Variants in HERC3 observed in about 807,000 individuals in gnomAD.
HERC3 encodes probable E3 ubiquitin-protein ligase HERC3.
A neutral mutation model predicts 129.9 loss-of-function variants in HERC3; 58 were observed. The ratio of observed to expected loss-of-function variants is 0.45; its 90% CI spans 0.36 to 0.56. The LOEUF (loss-of-function observed/expected upper bound fraction) is 0.56. Among genes scored for constraint, HERC3 ranks in the 20% least tolerant of loss-of-function variants. HERC3 has a pLI of 0.00. For synonymous variants in HERC3, 430 were observed against 451.0 expected (o/e 0.95, Z 0.59); for missense variants, 835 against 1,244.2 (o/e 0.67, Z 4.95).
At chr4:88,659,594 A>T (rs1560731130) in intron 10 of HERC3, among the ~76,000 whole-genome samples, 1 of 152,192 alleles carries the variant, frequency 6.6e-6, no homozygotes, top group Non-Finnish European at 1.5e-5. Context: ...TTTTAGACCC[A>T]GCCTCAGAGT....
the HERC3 span, among the ~76,000 whole-genome samples, chr4:88,559,432 A>T: frequency 7.9e-5 from 12 of 152,006 alleles, no homozygotes; most frequent in Non-Finnish European, 1.5e-4. Flanking sequence ...ACATCTCCCC[A>T]TTTCCTCCAC....
At chr4:88,689,646 C>T (rs1439028980) in intron 23 of HERC3, among the ~76,000 whole-genome samples, 1 of 150,648 alleles carries the variant, frequency 6.6e-6, no homozygotes, top group Non-Finnish European at 1.5e-5. Flanking sequence ...GGTGCAATCT[C>T]GGCTCACTGC....
chr4:88,648,270 G>A (rs1728909790), intron 3 of HERC3, among the ~76,000 whole-genome samples: 1 of 152,106 alleles, frequency 6.6e-6, no homozygotes, highest in Non-Finnish European at 1.5e-5. Flanking sequence ...TAGCTGTCTG[G>A]AAAGGTTCTT....
intron 12 of HERC3, 121 bp from the exon 13 acceptor site, chr4:88,667,256 T>TTATC (rs1731146636): frequency 2.1e-6 from 1 of 485,438 alleles, no homozygotes; most frequent in African/African-American, 2.0e-5. Flanking sequence ...TTTGTGGATC[T>TTATC]TATCTGCCAG....
At chr4:88,529,463 A>C in the HERC3 span, among the ~76,000 whole-genome samples, 2 of 152,290 alleles carry the variant, frequency 1.3e-5, no homozygotes, top group African/African-American at 4.8e-5. Context: ...TCTCTAAAAA[A>C]TAAAAAAACA....
At chr4:88,588,691 C>T (rs188864699), upstream of HERC3, among the ~76,000 whole-genome samples, 96 of 152,146 alleles carry the variant, frequency 6.3e-4, no homozygotes, top group African/African-American at 2.2e-3. Context: ...GTCTGCAAGG[C>T]AAGTAAATTA....
the HERC3 span, among the ~76,000 whole-genome samples, chr4:88,584,219 T>C: frequency 6.6e-6 from 1 of 152,204 alleles, no homozygotes; most frequent in Non-Finnish European, 1.5e-5. Context: ...GGCTTATAGA[T>C]GCATTACTCA....
At chr4:88,695,470 T>C (rs949888346) in intron 23 of HERC3, among the ~76,000 whole-genome samples, 23 of 152,222 alleles carry the variant, frequency 1.5e-4, no homozygotes, top group African/African-American at 5.3e-4. Flanking sequence ...TTCTGGGAGA[T>C]GATAAAAACC....
chr4:88,663,047 T>A (rs1201717318), intron 11 of HERC3, among the ~76,000 whole-genome samples: 1 of 152,058 alleles, frequency 6.6e-6, no homozygotes, highest in Non-Finnish European at 1.5e-5. Flanking sequence ...TTTTATCAAA[T>A]TTAAAGGACA....
chr4:88,546,059 T>TA, the HERC3 span, among the ~76,000 whole-genome samples: 2 of 152,210 alleles, frequency 1.3e-5, no homozygotes, highest in Non-Finnish European at 2.9e-5. Context: ...CTTAGTGGCT[T>TA]AAAAGAACAA....
At chr4:88,596,923 G>T (rs903291935) in intron 2 of HERC3, among the ~76,000 whole-genome samples, 1 of 152,106 alleles carries the variant, frequency 6.6e-6, no homozygotes, top group Admixed American at 6.5e-5. Flanking sequence ...TTTGAATTTT[G>T]TAAAAATGCA....
chr4:88,662,963 A>G lies in HERC3; in HGVS notation c.1271+408A>G, dbSNP rs2149290054. 1.3e-5 allele frequency among the ~76,000 whole-genome samples: 2 copies of G among 151,238 alleles called. 1 individual carries two copies. The highest frequency in any genetic ancestry group is 4.2e-4 in the South Asian group (2 of 4,738). On this transcript the variant is annotated intron_variant, in intron 11 of 25. Transcript: ENST00000402738. ...TCTTAATAATTTCTAGCATTTTCCT[A>G]TTCATAATGATTGAGATGGTAATTC...
rs969911668 is a variant in HERC3, at chr4:88,669,964, C to A, written c.1738C>A (p.Pro580Thr). The change falls in exon 15 of 26, where the codon CCC becomes ACC. Residue 580 changes from proline to threonine, a missense_variant. By Grantham distance (38) the Pro-to-Thr change is conservative. Transcript: ENST00000402738. ...LLRGRKTFLI[P>T]VLFNNYITAA... The stretch of plus-strand genomic sequence containing the variant: ...GAGGGGAAGAAAGACATTCTTAATT[C>A]CCGTACTGTTTAACAATTATATCAC... 2 of 1,613,666 alleles carry A rather than the reference C, an allele frequency of 1.2e-6. No homozygotes were observed. Among genetic ancestry groups the A allele is most frequent in the Non-Finnish European group, 1.7e-6 (2 of 1,179,824 alleles).
chr4:88,703,717 A>G (rs1735524799), intron 23 of HERC3, among the ~76,000 whole-genome samples: 1 of 151,320 alleles, frequency 6.6e-6, no homozygotes, highest in Admixed American at 6.6e-5. Flanking sequence ...AATGGCCTAG[A>G]ACTGTTATCC....
At chr4:88,556,164 A>G in the HERC3 span, among the ~76,000 whole-genome samples, 8 of 152,164 alleles carry the variant, frequency 5.3e-5, no homozygotes, top group Non-Finnish European at 8.8e-5. Flanking sequence ...GCATTCTCCA[A>G]TATCCCTCAG....
chr4:88,568,473 G>A, the HERC3 span, among the ~76,000 whole-genome samples: 295 of 152,276 alleles, frequency 1.9e-3, no homozygotes, highest in Admixed American at 5.6e-3. Context: ...TACTGTGGCT[G>A]AGCTGGCCCC....
intron 23 of HERC3, chr4:88,693,684 C>G (rs1734303123): frequency 2.9e-5 from 29 of 984,366 alleles, no homozygotes; most frequent in Non-Finnish European, 3.5e-5. Flanking sequence ...GTAAATGTGT[C>G]TATGTGTATG....
At chr4:88,557,191 A>G in the HERC3 span, among the ~76,000 whole-genome samples, 1 of 152,078 alleles carries the variant, frequency 6.6e-6, no homozygotes, top group South Asian at 2.1e-4. Context: ...GCCTGATTAT[A>G]CCTCTATCAT....
At chr4:88,661,559 A>C (rs1489115184) in intron 10 of HERC3, among the ~76,000 whole-genome samples, 1 of 152,206 alleles carries the variant, frequency 6.6e-6, no homozygotes, top group Admixed American at 6.5e-5. Context: ...TAGGAGTATA[A>C]AGCACCATCA....
Sources: gnomAD v4.1 joint callset for allele counts (sites outside exome capture counted in the v4.1 genomes callset) on GRCh38, gnomAD v4.1.1 for gene constraint, MANE v1.5 for transcripts, NCBI Gene and HGNC (gene_info 2026-07-23, HGNC 2026-07-21) for gene names.